Variants in SPTB observed in about 807,000 individuals in gnomAD.
SPTB encodes spectrin beta chain, erythrocytic.
A neutral mutation model predicts 256.2 loss-of-function variants in SPTB; 45 were observed. The observed-to-expected ratio is 0.18, with a 90% confidence interval of 0.14 to 0.23. The LOEUF (loss-of-function observed/expected upper bound fraction) is 0.23. SPTB is among the 10% of genes least tolerant of loss of function. The pLI, the probability that SPTB is intolerant of heterozygous loss-of-function variation, is 1.00. For synonymous variants in SPTB, 1,231 were observed against 1,243.1 expected (o/e 0.99, Z 0.21); for missense variants, 2,715 against 3,040.4 (o/e 0.89, Z 2.52).
chr14:64,808,505 C>G (rs971748923), intron 2 of SPTB, among the ~76,000 whole-genome samples: 3 of 152,168 alleles, frequency 2.0e-5, no homozygotes, highest in Non-Finnish European at 4.4e-5. Flanking sequence ...ACCCATGACA[C>G]TAAAACCCTC....
chr14:64,752,465 T>C, intron 33 of SPTB: 1 of 379,364 alleles, frequency 2.6e-6, no homozygotes, highest in South Asian at 1.9e-5. Context: ...ATCTTTCCTC[T>C]GGCAGAAAGG....
In SPTB at chr14:64,806,633, G is replaced by A. The variant is rs762586881; in HGVS notation, c.149-1543C>T. On this transcript the variant is annotated intron_variant, in intron 2 of 35. Coordinates refer to ENST00000644917, the MANE Select transcript of SPTB (RefSeq NM_001355436.2). The surrounding 1 kb of genome is among the most constrained non-coding windows in gnomAD (Gnocchi z 4.1). ...GGCTTCATGGCTATTTTGGTATTAG[G>A]AACTCAGACCCTTGATTCTTCTGTG... 1.3e-5 allele frequency among the ~76,000 whole-genome samples: 2 copies of A among 152,186 alleles called. No individual in the cohort carries two copies. The highest frequency in any genetic ancestry group is 2.9e-5 in the Non-Finnish European group (2 of 68,028).
rs549797168 is a variant in SPTB at position 64,775,196 on chromosome 14, G to T, written c.4771C>A (p.Leu1591Met). ...CAGGCCTCAGCCTCGTCTGCATCCA[G>T]GTAGTACTGCTGTGCCTCGTTGGCG... ...RDANEAQQYY[L>M]DADEAEAWIG... Residue 1591 changes from leucine to methionine, a missense_variant, in exon 23 of 36, where the codon CTG becomes ATG. Leu to Met is a conservative substitution (Grantham distance 15, BLOSUM62 2). Around this residue, in one of 4 missense-constraint regions of SPTB, gnomAD observed 2,239 missense variants for 2,384.4 expected, o/e 0.94. Transcript: ENST00000644917. This position sits in a 1 kb window ranked among gnomAD's most constrained non-coding sequence, Gnocchi z 5.0. The T allele has an allele frequency of 1.3e-5, 21 of 1,613,948 alleles. No homozygotes were observed. In the South Asian group the frequency reaches 1.9e-4, roughly 14 times the overall value.
Position 64,797,806 on chromosome 14 carries a change from T to C in SPTB, c.1105A>G (p.Ile369Val). 1.9e-6 allele frequency: 3 copies of C among 1,614,208 alleles called. No individual in the cohort carries two copies. Among genetic ancestry groups the C allele is most frequent in the Non-Finnish European group, 2.5e-6 (3 of 1,180,024 alleles). Residue 369 changes from isoleucine (I) to valine (V), a missense_variant, in exon 10 of 36, where the codon ATC (isoleucine) becomes GTC (valine). Physicochemically the swap from Ile to Val is conservative, Grantham distance 29. Transcript: ENST00000644917. ...TTGTTGGCTCTCATCCGGGACTGGA[T>C]GGTAAAAAGTAGAACTTCCAGATTC... is the stretch of plus-strand genomic sequence containing the variant. Reference protein sequence around the residue: ...KGNLEVLLFTIQSRMRANNQK... With the variant: ...KGNLEVLLFTVQSRMRANNQK...
At position 64,866,852 on chromosome 14, in the gene SPTB, A is replaced by C. The variant is rs540881487; in HGVS notation, c.-52+12940T>G. On this transcript the variant is annotated intron_variant, in intron 1 of 35. Transcript: ENST00000644917. The surrounding 1 kb of genome is among the most constrained non-coding windows in gnomAD (Gnocchi z 4.6). ...CTGTACCCAGAAAAATAAAACCTCT[A>C]TACAGGAATTTTCAGTCTTTTTTTT... 6.6e-6 allele frequency among the ~76,000 whole-genome samples: 1 copy of C among 152,312 alleles called. No homozygotes were observed. Among genetic ancestry groups the C allele is most frequent in the Admixed American group, 6.5e-5 (1 of 15,300 alleles).
intron 1 of SPTB, among the ~76,000 whole-genome samples, chr14:64,842,753 C>A (rs1367966535): frequency 6.6e-6 from 1 of 152,092 alleles, no homozygotes; most frequent in East Asian, 1.9e-4. Context: ...TATAAAATAG[C>A]AACTACACCC....
chr14:64,833,974 T>G (rs1049742600), intron 1 of SPTB, among the ~76,000 whole-genome samples: 1 of 152,204 alleles, frequency 6.6e-6, no homozygotes, highest in African/African-American at 2.4e-5. Flanking sequence ...TCATCATCAA[T>G]GCCCTGACAT....
intron 1 of SPTB, among the ~76,000 whole-genome samples, chr14:64,846,487 C>T (rs138973324): frequency 3.0e-3 from 462 of 152,328 alleles, no homozygotes; most frequent in Non-Finnish European, 5.2e-3. Flanking sequence ...CAGCAGAACG[C>T]ATAGGTCGTC....
At chr14:64,833,684 C>A (rs551787689) in intron 1 of SPTB, among the ~76,000 whole-genome samples, 48 of 152,324 alleles carry the variant, frequency 3.2e-4, no homozygotes, top group Non-Finnish European at 5.6e-4. Flanking sequence ...ACTGTAGCAT[C>A]ATAATCTAGT....
intron 29 of SPTB, chr14:64,768,069 C>T (rs2082218836): frequency 4.8e-6 from 3 of 625,122 alleles, no homozygotes; most frequent in Non-Finnish European, 5.7e-6. Flanking sequence ...AGAGGGAGGG[C>T]TTCAATCTGT....
intron 3 of SPTB, 144 bp downstream of exon 3, chr14:64,804,795 G>C (rs2082950877): frequency 8.4e-6 from 9 of 1,077,190 alleles, no homozygotes; most frequent in Non-Finnish European, 1.4e-6. Flanking sequence ...CCACACGGAT[G>C]CTTCCCATTC....
At chr14:64,835,104 G>A (rs1215689086) in intron 1 of SPTB, among the ~76,000 whole-genome samples, 1 of 152,310 alleles carries the variant, frequency 6.6e-6, no homozygotes, top group African/African-American at 2.4e-5. Context: ...GAGGGAACAG[G>A]TGCTGGCTAG....
chr14:64,761,935 C>T (rs1343884413), intron 32 of SPTB, among the ~76,000 whole-genome samples: 1 of 152,144 alleles, frequency 6.6e-6, no homozygotes, highest in African/African-American at 2.4e-5. Context: ...CATCCTGAGG[C>T]CATCAGTATC....
intron 2 of SPTB, among the ~76,000 whole-genome samples, chr14:64,821,498 T>G (rs2139694711): frequency 6.6e-6 from 1 of 152,286 alleles, no homozygotes; most frequent in Non-Finnish European, 1.5e-5. Context: ...ATGGTACCCC[T>G]CTCCCTCCAC....
In SPTB at chr14:64,862,870, C is replaced by CAA. The variant is rs1315916606; in HGVS notation, c.-52+16920_-52+16921dup. 2.8e-4 allele frequency among the ~76,000 whole-genome samples: 10 copies of CAA among 35,640 alleles called. No homozygotes were observed. The South Asian group carries it at 6.6e-3, about 23-fold the overall frequency. 23.4% of individuals were successfully genotyped at this position (35,640 alleles called of 152,430 possible). A position where few individuals can be genotyped will look rare whatever the true frequency, so the allele number is the denominator to read the frequency against. ...AGCTAAAACAAATAAACAACAATAA[C>CAA]AACAAAAAAAAACCACACCCCATGA... On this transcript the variant is annotated intron_variant, in intron 1 of 35. Coordinates refer to ENST00000644917, the MANE Select transcript of SPTB (RefSeq NM_001355436.2).
rs752667759 is a variant in SPTB, at chr14:64,787,125, C to T, written c.2840G>A (p.Arg947Gln). The T allele has an allele frequency of 3.5e-5, 56 of 1,607,974 alleles. No homozygotes were observed. Among genetic ancestry groups the T allele is most frequent in the Non-Finnish European group, 1.6e-5 (19 of 1,179,986 alleles). ...TCGGAGGGCTGAGTCCACAGCCTCC[C>T]GCCGCTCCGACACCAGGGTCTGAAA... Reference protein sequence around the residue: ...QAFQTLVSERREAVDSALRVH... With the variant: ...QAFQTLVSERQEAVDSALRVH... Residue 947 changes from arginine to glutamine, a missense_variant, in exon 16 of 36, where the codon CGG becomes CAG. Arg to Gln is a conservative substitution (Grantham distance 43). Coordinates refer to ENST00000644917, the MANE Select transcript of SPTB (RefSeq NM_001355436.2).
Position 64,787,009 on chromosome 14 carries a change from C to A in SPTB, c.2956G>T (p.Asp986Tyr), listed in dbSNP as rs758526994. 2 of 1,614,174 alleles carry A rather than the reference C, an allele frequency of 1.2e-6. No homozygotes were observed. The highest frequency in any genetic ancestry group is 1.7e-6 in the Non-Finnish European group (2 of 1,180,036). ...TGGATGGCGATGATACCTGCCAGGTCCCGCCCCAGGTCTTTTGTGGACTCC... is the reference window on the plus strand; with the variant it reads ...TGGATGGCGATGATACCTGCCAGGTACCGCCCCAGGTCTTTTGTGGACTCC... Reference protein sequence around the residue: ...VVESTKDLGRDLAGIIAIQRK... With the variant: ...VVESTKDLGRYLAGIIAIQRK... The change falls in exon 16 of 36, where the codon GAC (aspartate) becomes TAC (tyrosine). Residue 986 changes from aspartate to tyrosine, a missense_variant. Transcript: ENST00000644917.
Position 64,748,170 on chromosome 14 carries a change from A to AAGAC in SPTB, c.*1132_*1135dup, listed in dbSNP as rs1421871444. On this transcript the variant is annotated 3_prime_UTR_variant, in exon 36 of 36. Coordinates refer to ENST00000644917, the MANE Select transcript of SPTB (RefSeq NM_001355436.2). ...TAGCTGTCACATGGGTGGTGATACC[A>AAGAC]AGACATGGCTGCGTCTGCCACCCCG... 4.7e-5 allele frequency: 7 copies of AAGAC among 149,624 alleles called. No homozygotes were observed. Among genetic ancestry groups the AAGAC allele is most frequent in the African/African-American group, 1.8e-4 (7 of 39,020 alleles). 9.3% of individuals were successfully genotyped at this position (149,624 alleles called of 1,614,324 possible). A position where few individuals can be genotyped will look rare whatever the true frequency, so the allele number is the denominator to read the frequency against.
At chr14:64,846,784 C>T (rs560158058) in intron 1 of SPTB, among the ~76,000 whole-genome samples, 1 of 152,304 alleles carries the variant, frequency 6.6e-6, no homozygotes, top group African/African-American at 2.4e-5. Flanking sequence ...TCAGAAAGGG[C>T]CTTTGTCCCA....
Sources: allele counts gnomAD v4.1 joint callset (sites outside exome capture counted in the v4.1 genomes callset), GRCh38; gene constraint gnomAD v4.1.1; regional missense constraint gnomAD v4.1.1; non-coding constraint Gnocchi (gnomAD v3.1); transcripts MANE v1.5; gene names NCBI Gene and HGNC (gene_info 2026-07-23, HGNC 2026-07-21).